Variants in SORCS1 observed in about 807,000 individuals in gnomAD.
The protein encoded by SORCS1 is VPS10 domain-containing receptor SorCS1.
Under a neutral mutation model 146.1 loss-of-function variants are expected in SORCS1, and 60 were observed. The ratio of observed to expected loss-of-function variants is 0.41; its 90% CI spans 0.33 to 0.51. The LOEUF is 0.51. Among genes scored for constraint, SORCS1 ranks in the 20% least tolerant of loss-of-function variants. The probability of loss-of-function intolerance (pLI) is 0.21; values close to 1 mark genes in which losing one functional copy is unlikely to be tolerated. For synonymous variants in SORCS1, 637 were observed against 584.0 expected (o/e 1.09, Z -1.31); for missense variants, 1,352 against 1,487.6 (o/e 0.91, Z 1.50).
Position 106,611,933 on chromosome 10 carries a change from A to C in SORCS1, c.3011T>G (p.Val1004Gly). ...CACTTCCACCAGGGATTTTTTGATG[A>C]CTCGACCGATGTCCCTCCTCCACTC... ...IPEWRRDIGRVIKKSLVEATG... is the reference protein window; with the variant it reads ...IPEWRRDIGRGIKKSLVEATG... The change falls in exon 22 of 26, where the codon GTC becomes GGC. Residue 1004 changes from valine to glycine, a missense_variant. Physicochemically the swap from Val to Gly is moderately radical, Grantham distance 109 (BLOSUM62 -3). Around this residue, in one of 3 missense-constraint regions of SORCS1, gnomAD observed 214 missense variants for 204.8 expected, o/e 1.05. Coordinates refer to ENST00000263054, the MANE Select transcript of SORCS1 (RefSeq NM_052918.5). 6.2e-7 allele frequency: 1 copy of C among 1,613,896 alleles called. No homozygotes were observed.
intron 2 of SORCS1, among the ~76,000 whole-genome samples, chr10:106,835,117 T>A (rs1343104960): frequency 6.6e-6 from 1 of 152,160 alleles, no homozygotes; most frequent in Admixed American, 6.5e-5. Context: ...ATCTGAGGCA[T>A]CCCACCCGCC....
rs1955180025 is a variant in SORCS1, at chr10:106,960,639, G to C, written c.559-4059C>G. Among the ~76,000 whole-genome samples the C allele has an allele frequency of 6.6e-6, 1 of 152,148 alleles. No individual in the cohort carries two copies. Among genetic ancestry groups the C allele is most frequent in the Admixed American group, 6.5e-5 (1 of 15,276 alleles). The stretch of plus-strand genomic sequence containing the variant: ...AATGGTCTCGATCTCTTGACCTCGT[G>C]ATCCACCTGACTCAGCCTCCCAAAG... On this transcript the variant is annotated intron_variant, in intron 1 of 25. Coordinates refer to ENST00000263054, the MANE Select transcript of SORCS1 (RefSeq NM_052918.5). This position sits in a 1 kb window ranked among gnomAD's most constrained non-coding sequence, Gnocchi z 4.4.
intron 2 of SORCS1, among the ~76,000 whole-genome samples, chr10:106,944,874 C>CTTCTTTTTTTTTTTTTTTTTTTTTTTTTT: frequency 2.7e-5 from 1 of 36,576 alleles, no homozygotes; most frequent in South Asian, 1.5e-3. Flanking sequence ...AAAGAGCCTT[C>CTTCTTTTTTTTTTTTTTTTTTTTTTTTTT]TTTTTTTTTT....
intron 2 of SORCS1, among the ~76,000 whole-genome samples, chr10:106,839,334 G>A (rs1424687728): frequency 6.6e-6 from 1 of 152,186 alleles, no homozygotes; most frequent in Non-Finnish European, 1.5e-5. Flanking sequence ...TTGCTGATAT[G>A]GAGAAAGTTT....
At chr10:106,700,699 C>G (rs1219236603) in intron 8 of SORCS1, among the ~76,000 whole-genome samples, 1 of 152,190 alleles carries the variant, frequency 6.6e-6, no homozygotes, top group Admixed American at 6.5e-5. Flanking sequence ...AGCTCTGACT[C>G]TCCTCTAGAC....
intron 3 of SORCS1, among the ~76,000 whole-genome samples, chr10:106,799,635 C>T (rs1408119803): frequency 6.6e-6 from 1 of 152,176 alleles, no homozygotes; most frequent in Non-Finnish European, 1.5e-5. Flanking sequence ...AAAAAATGCT[C>T]ATCATCACTG....
chr10:107,002,589 A>G (rs2139633481), intron 1 of SORCS1, among the ~76,000 whole-genome samples: 1 of 152,350 alleles, frequency 6.6e-6, no homozygotes, highest in South Asian at 2.1e-4. Context: ...AACACATAGC[A>G]TAGCTTTCCT....
intron 3 of SORCS1, among the ~76,000 whole-genome samples, chr10:106,790,119 G>C (rs1946241372): frequency 6.6e-6 from 1 of 152,166 alleles, no homozygotes; most frequent in Admixed American, 6.5e-5. Flanking sequence ...GGGACACAAA[G>C]CCTAACCACA....
chr10:106,878,880 A>G (rs57818135), intron 2 of SORCS1, among the ~76,000 whole-genome samples: 12,378 of 151,308 alleles, frequency 0.082, 1,459 homozygotes, highest in African/African-American at 0.26. Flanking sequence ...GGGCGCAATG[A>G]CTCGTACCTG....
intron 1 of SORCS1, among the ~76,000 whole-genome samples, chr10:107,064,662 C>T (rs1778624760): frequency 6.6e-6 from 1 of 152,152 alleles, no homozygotes; most frequent in African/African-American, 2.4e-5. Context: ...AAATTCTTTC[C>T]TTCTCCTCTC....
intron 18 of SORCS1, among the ~76,000 whole-genome samples, chr10:106,639,275 G>A (rs1848912180): frequency 6.6e-6 from 1 of 152,222 alleles, no homozygotes; most frequent in African/African-American, 2.4e-5. Flanking sequence ...TGGGACATTA[G>A]TATTGTTAGG....
At chr10:106,665,448 C>G (rs945922520) in intron 17 of SORCS1, among the ~76,000 whole-genome samples, 1 of 150,220 alleles carries the variant, frequency 6.7e-6, no homozygotes, top group Non-Finnish European at 1.5e-5. Context: ...GCCTTGAACT[C>G]CTGGACCCAA....
rs201591173 is a variant in SORCS1, at chr10:106,992,813, CCTTTCTTT to C, written c.559-36241_559-36234del. On this transcript the variant is annotated intron_variant, in intron 1 of 25. Coordinates refer to ENST00000263054, the MANE Select transcript of SORCS1 (RefSeq NM_052918.5). ...ACCAGGCCGAGCTAATTTCTTTCTT[CCTTTCTTT>C]CTTTCTTTTTTTTTTTTTTTTTTTT... Among the ~76,000 whole-genome samples, 715 of 129,438 alleles carry C rather than the reference CCTTTCTTT, an allele frequency of 5.5e-3. 99 individuals carry two copies. Among genetic ancestry groups the C allele is most frequent in the African/African-American group, 0.022 (644 of 29,866 alleles). The allele number at this position is 129,438 out of a possible 152,430, so 84.9% of individuals were successfully genotyped here.
intron 1 of SORCS1, among the ~76,000 whole-genome samples, chr10:107,129,465 T>C (rs1565082081): frequency 6.6e-6 from 1 of 152,244 alleles, no homozygotes; most frequent in Non-Finnish European, 1.5e-5. Context: ...AATAACTCTG[T>C]TGTTATCAAA....
chr10:106,842,785 G>C (rs937574000), intron 2 of SORCS1, among the ~76,000 whole-genome samples: 1 of 151,324 alleles, frequency 6.6e-6, no homozygotes, highest in Non-Finnish European at 1.5e-5. Context: ...GGCTAATTTT[G>C]TATTTTTAGT....
intron 1 of SORCS1, 98 bp from the exon 2 acceptor site, chr10:106,956,678 A>G (rs2138994025): frequency 1.0e-6 from 1 of 952,390 alleles, no homozygotes; most frequent in South Asian, 1.5e-5. Flanking sequence ...TTTAATAGTC[A>G]CTTAACATAA....
chr10:106,584,581 C>T (rs192668825), intron 24 of SORCS1, among the ~76,000 whole-genome samples: 130 of 152,292 alleles, frequency 8.5e-4, no homozygotes, highest in African/African-American at 2.8e-3. Context: ...CCATTTTAAC[C>T]GATCAAATAT....
chr10:107,157,184 C>A (rs1369314197), intron 1 of SORCS1, among the ~76,000 whole-genome samples: 2 of 152,024 alleles, frequency 1.3e-5, no homozygotes, highest in African/African-American at 4.8e-5. Flanking sequence ...CTAACTCTTG[C>A]CTGTGATGGG....
chr10:107,094,430 A>G (rs925154332), intron 1 of SORCS1, among the ~76,000 whole-genome samples: 1 of 152,210 alleles, frequency 6.6e-6, no homozygotes, highest in Admixed American at 6.5e-5. Flanking sequence ...TCTGTTTCAC[A>G]ATATTTTTCC....
Sources: gnomAD v4.1 joint callset for allele counts (sites outside exome capture counted in the v4.1 genomes callset) on GRCh38, gnomAD v4.1.1 for gene constraint, gnomAD v4.1.1 regional missense constraint, Gnocchi (gnomAD v3.1) non-coding constraint, MANE v1.5 for transcripts, NCBI Gene and HGNC (gene_info 2026-07-23, HGNC 2026-07-21) for gene names.